FANCL: variants seen among roughly 807,000 people sequenced by gnomAD.
FANCL encodes the protein FA complementation group L.
Under a neutral mutation model 59.4 loss-of-function variants are expected in FANCL, and 69 were observed. The ratio of observed to expected loss-of-function variants is 1.16; its 90% CI spans 0.96 to 1.42. FANCL has a LOEUF of 1.42. Ranked by LOEUF, FANCL falls within the 40% of genes most tolerant of loss-of-function variation. FANCL has a pLI of 0.00. For synonymous variants in FANCL, 180 were observed against 147.1 expected (o/e 1.22, Z -1.62); for missense variants, 519 against 447.2 (o/e 1.16, Z -1.45).
chr2:58,237,535 A>G (rs1694132585), intron 1 of FANCL, among the ~76,000 whole-genome samples: 1 of 152,110 alleles, frequency 6.6e-6, no homozygotes, highest in African/African-American at 2.4e-5. Flanking sequence ...ATAATCTTCC[A>G]TCTAAAGAAA....
At chr2:58,199,441 T>TA (rs1190194147) in intron 6 of FANCL, among the ~76,000 whole-genome samples, 7 of 152,162 alleles carry the variant, frequency 4.6e-5, no homozygotes, top group African/African-American at 7.2e-5. Context: ...GCTGTCAATT[T>TA]AAAAAATTAT....
chr2:58,171,933 A>C (rs1686674818), intron 7 of FANCL, among the ~76,000 whole-genome samples: 1 of 152,162 alleles, frequency 6.6e-6, no homozygotes, highest in Admixed American at 6.5e-5. Context: ...GGGTTTAAAA[A>C]ACGGCACACC....
In FANCL at chr2:58,163,529, C is replaced by T. The variant is rs767851051; in HGVS notation, c.692-12G>A. ...GGAAACATTATTACCTAGAATGAAA[C>T]AAGATTAAATCTTTTAGAAGTAGAA... is the stretch of plus-strand genomic sequence containing the variant. On this transcript the variant is annotated splice_polypyrimidine_tract_variant and intron_variant, in intron 8 of 13. Coordinates refer to ENST00000233741, the MANE Select transcript of FANCL (RefSeq NM_018062.4). 4 of 1,522,590 alleles carry T rather than the reference C, an allele frequency of 2.6e-6. No individual in the cohort carries two copies. The African/African-American group carries it at 5.5e-5, about 21-fold the overall frequency. The allele number at this position is 1,522,590 out of a possible 1,614,324, so 94.3% of individuals were successfully genotyped here.
intron 7 of FANCL, among the ~76,000 whole-genome samples, 168 bp from the exon 8 acceptor site, chr2:58,166,042 AGC>A (rs1035578867): frequency 6.6e-6 from 1 of 152,176 alleles, no homozygotes; most frequent in African/African-American, 2.4e-5. Context: ...CTCTTCCTAC[AGC>A]GTTTACAGGA....
At chr2:58,193,508 C>A (rs1159887029) in intron 7 of FANCL, among the ~76,000 whole-genome samples, 1 of 152,096 alleles carries the variant, frequency 6.6e-6, no homozygotes, top group African/African-American at 2.4e-5. Context: ...TACGCTTATA[C>A]TTTTTCTACC....
upstream of FANCL, chr2:58,241,348 G>C (rs368688452): frequency 6.2e-7 from 1 of 1,601,096 alleles, no homozygotes. Flanking sequence ...AAAAGCTCTA[G>C]ACCTGCTGGG....
intron 6 of FANCL, among the ~76,000 whole-genome samples, chr2:58,201,332 T>C (rs1470723765): frequency 6.6e-6 from 1 of 151,688 alleles, no homozygotes; most frequent in Non-Finnish European, 1.5e-5. Context: ...AAGTAAAACA[T>C]AGTTCTCCAA....
intron 7 of FANCL, among the ~76,000 whole-genome samples, chr2:58,195,049 T>A (rs1689300343): frequency 6.6e-6 from 1 of 152,160 alleles, no homozygotes; most frequent in South Asian, 2.1e-4. Flanking sequence ...CTATTTACCA[T>A]CTCTTAAATC....
At chr2:58,230,537 C>T (rs1432064148) in intron 2 of FANCL, among the ~76,000 whole-genome samples, 1 of 152,128 alleles carries the variant, frequency 6.6e-6, no homozygotes, top group Non-Finnish European at 1.5e-5. Flanking sequence ...TACTGGCTGA[C>T]CTCTGTTGTG....
intron 6 of FANCL, among the ~76,000 whole-genome samples, chr2:58,199,571 C>T (rs1689790716): frequency 6.6e-6 from 1 of 151,958 alleles, no homozygotes; most frequent in Non-Finnish European, 1.5e-5. Context: ...TTGCTAAATA[C>T]AAAATTATTT....
chr2:58,197,155 T>C (rs1357740154), intron 7 of FANCL, among the ~76,000 whole-genome samples: 2 of 145,312 alleles, frequency 1.4e-5, no homozygotes, highest in Non-Finnish European at 3.0e-5. Context: ...ATTGGGACTT[T>C]AAAAAAAAAA....
At chr2:58,227,100 G>A (rs887552600) in intron 3 of FANCL, among the ~76,000 whole-genome samples, 4 of 152,164 alleles carry the variant, frequency 2.6e-5, no homozygotes, top group African/African-American at 9.7e-5. Flanking sequence ...CAGGGCATGC[G>A]ATGGGAGTGT....
intron 6 of FANCL, among the ~76,000 whole-genome samples, chr2:58,200,393 C>G (rs926147473): frequency 1.3e-5 from 2 of 151,970 alleles, no homozygotes; most frequent in East Asian, 3.8e-4. Context: ...AGAAGTGTTA[C>G]AAAATCTCTT....
intron 7 of FANCL, among the ~76,000 whole-genome samples, chr2:58,183,050 G>C (rs186163091): frequency 6.6e-6 from 1 of 151,692 alleles, no homozygotes; most frequent in African/African-American, 2.4e-5. Flanking sequence ...TAAAAATTGG[G>C]AGCCATTATT....
At chr2:58,205,992 T>A (rs1690545756) in intron 5 of FANCL, among the ~76,000 whole-genome samples, 1 of 152,154 alleles carries the variant, frequency 6.6e-6, no homozygotes. Flanking sequence ...AATCCAAGAA[T>A]ACGCAATGCT....
At chr2:58,206,700 T>C (rs950088951) in intron 5 of FANCL, among the ~76,000 whole-genome samples, 2 of 152,190 alleles carry the variant, frequency 1.3e-5, no homozygotes, top group African/African-American at 4.8e-5. Context: ...ACAGAAAAAG[T>C]GCCACGCTCA....
chr2:58,177,106 G>A (rs1309765574), intron 7 of FANCL, among the ~76,000 whole-genome samples: 2 of 152,124 alleles, frequency 1.3e-5, no homozygotes, highest in Non-Finnish European at 2.9e-5. Context: ...ACTTAGAATG[G>A]CAATCATTAA....
intron 2 of FANCL, among the ~76,000 whole-genome samples, chr2:58,231,273 G>T (rs1441286608): frequency 6.6e-6 from 1 of 152,080 alleles, no homozygotes; most frequent in Admixed American, 6.6e-5. Context: ...TTCATCTGTT[G>T]TAACTTCCAC....
intron 7 of FANCL, among the ~76,000 whole-genome samples, chr2:58,176,934 G>GA (rs1287699588): frequency 1.3e-5 from 2 of 151,678 alleles, no homozygotes; most frequent in African/African-American, 2.4e-5. Context: ...AAATTTACAA[G>GA]AAAAAAACAA....
Sources: allele counts gnomAD v4.1 joint callset (sites outside exome capture counted in the v4.1 genomes callset), GRCh38; gene constraint gnomAD v4.1.1; transcripts MANE v1.5; gene names NCBI Gene and HGNC (gene_info 2026-07-23, HGNC 2026-07-21).